The following CSTA variants were observed in gnomAD, a reference collection of about 807,000 sequenced individuals.
CSTA encodes the protein cystatin A, also known as cystatin-A.
CSTA carries 9 observed loss-of-function variants against 9.2 expected under a neutral mutation model. The ratio of observed to expected loss-of-function variants is 0.97; its 90% CI spans 0.59 to 1.70. CSTA has a LOEUF of 1.70. Among genes scored for constraint, CSTA ranks in the 40% most tolerant of loss-of-function variants. CSTA has a pLI of 0.00. For synonymous variants in CSTA, 36 were observed against 40.6 expected (o/e 0.89, Z 0.43); for missense variants, 118 against 113.1 (o/e 1.04, Z -0.20).
At chr3:122,336,911 C>T (rs2075239721) in intron 1 of CSTA, among the ~76,000 whole-genome samples, 1 of 152,198 alleles carries the variant, frequency 6.6e-6, no homozygotes, top group South Asian at 2.1e-4. Flanking sequence ...CAGTATTCTT[C>T]AAAAACATCA....
intron 1 of CSTA, among the ~76,000 whole-genome samples, chr3:122,325,962 A>C (rs1228090496): frequency 1.3e-5 from 2 of 152,186 alleles, no homozygotes; most frequent in Non-Finnish European, 2.9e-5. Flanking sequence ...ATATGGAAAA[A>C]TAGAACTCAA....
intron 1 of CSTA, among the ~76,000 whole-genome samples, chr3:122,328,070 C>T (rs1279312204): frequency 1.3e-5 from 2 of 152,172 alleles, no homozygotes; most frequent in East Asian, 3.8e-4. Context: ...TACCTCACCC[C>T]AGAAAGGGGT....
intron 1 of CSTA, among the ~76,000 whole-genome samples, chr3:122,331,698 G>A (rs2075205722): frequency 6.6e-6 from 1 of 152,094 alleles, no homozygotes; most frequent in Admixed American, 6.5e-5. Flanking sequence ...CAGGACCCAG[G>A]GCTGCCAGAA....
At chr3:122,337,452 A>C (rs780214231) in intron 1 of CSTA, 95 bp from the exon 2 acceptor site, 16 of 775,000 alleles carry the variant, frequency 2.1e-5, no homozygotes, top group Non-Finnish European at 3.1e-5. Flanking sequence ...CCATCTTTGA[A>C]GACTTTTAGG....
chr3:122,337,103 AT>A (rs1243033080), intron 1 of CSTA, among the ~76,000 whole-genome samples: 1 of 152,190 alleles, frequency 6.6e-6, no homozygotes, highest in Non-Finnish European at 1.5e-5. Context: ...TAATTTCCTC[AT>A]TTTGGTGATT....
At chr3:122,335,561 T>C (rs1045552971) in intron 1 of CSTA, among the ~76,000 whole-genome samples, 3 of 152,180 alleles carry the variant, frequency 2.0e-5, no homozygotes, top group African/African-American at 7.2e-5. Flanking sequence ...AAAGGAGTTA[T>C]AATAAGGAAA....
intron 1 of CSTA, among the ~76,000 whole-genome samples, chr3:122,331,022 T>C (rs141830517): frequency 1.3e-5 from 2 of 152,186 alleles, no homozygotes; most frequent in African/African-American, 4.8e-5. Context: ...ATTGTGAGCA[T>C]ATTTATGAGA....
intron 1 of CSTA, among the ~76,000 whole-genome samples, chr3:122,327,423 G>A (rs370013210): frequency 6.5e-4 from 99 of 151,658 alleles, no homozygotes; most frequent in African/African-American, 2.2e-3. Flanking sequence ...CAGCTACTCG[G>A]GAGGCTGAGG....
chr3:122,337,960 C>T lies in CSTA; in HGVS notation c.168+312C>T, dbSNP rs567764798. 318 of 342,264 alleles carry T rather than the reference C, an allele frequency of 9.3e-4. 2 individuals are homozygous for T. The highest frequency in any genetic ancestry group is 3.7e-3 in the South Asian group (139 of 37,882). The allele number at this position is 342,264 out of a possible 1,614,324, so 21.2% of individuals were successfully genotyped here. On this transcript the variant is annotated intron_variant, in intron 2 of 2. Transcript: ENST00000264474. ...CTGCTTAGGTAAGGAGGGAGGATCA[C>T]GTCTCATCTGCCTGAAGGTGTGGGG...
chr3:122,338,509 A>T (rs1323768887), intron 2 of CSTA, among the ~76,000 whole-genome samples: 1 of 152,004 alleles, frequency 6.6e-6, no homozygotes, highest in Non-Finnish European at 1.5e-5. Context: ...CAAAAAAAAA[A>T]AAAAAAGTAA....
intron 2 of CSTA, among the ~76,000 whole-genome samples, chr3:122,338,468 A>G (rs2075247732): frequency 6.7e-6 from 1 of 149,954 alleles, no homozygotes; most frequent in East Asian, 2.0e-4. Context: ...TATTTCTATT[A>G]AAATATAAAC....
At chr3:122,335,286 T>C (rs942900749) in intron 1 of CSTA, among the ~76,000 whole-genome samples, 4 of 152,018 alleles carry the variant, frequency 2.6e-5, no homozygotes, top group Non-Finnish European at 5.9e-5. Flanking sequence ...ACTAGGTTCC[T>C]TTACACAGCA....
chr3:122,332,201 C>T (rs1461222442), intron 1 of CSTA, among the ~76,000 whole-genome samples: 1 of 152,160 alleles, frequency 6.6e-6, no homozygotes, highest in Non-Finnish European at 1.5e-5. Flanking sequence ...GAAAATGCCC[C>T]AGCTGACCCT....
At position 122,325,310 on chromosome 3, in the gene CSTA, A is replaced by C. The variant is rs191500425; in HGVS notation, c.18A>C (p.Leu6Phe). ...CAGCCAAAATGATACCTGGAGGCTT[A>C]TCTGAGGCCAAACCCGCCACTCCAG... MIPGG[L>F]SEAKPATPEI... The change falls in exon 1 of 3, where the codon TTA (leucine) becomes TTC (phenylalanine). Residue 6 changes from leucine to phenylalanine, a missense_variant. Transcript: ENST00000264474. 1 of 1,613,836 alleles carries C rather than the reference A, an allele frequency of 6.2e-7. No homozygotes were observed. The highest frequency in any genetic ancestry group is 2.2e-5 in the East Asian group (1 of 44,882).
intron 1 of CSTA, among the ~76,000 whole-genome samples, chr3:122,333,542 A>AGAAAGAAAGAAAGAAAGAAAGAAG (rs1553772157): frequency 1.6e-3 from 54 of 32,790 alleles, no homozygotes; most frequent in Non-Finnish European, 3.0e-3. Context: ...AAAAGAAAGA[A>AGAAAGAAAGAAAGAAAGAAAGAAG]GAAAGAAAGA....
intron 1 of CSTA, among the ~76,000 whole-genome samples, chr3:122,334,660 C>T (rs542088994): frequency 6.6e-6 from 1 of 152,074 alleles, no homozygotes; most frequent in East Asian, 1.9e-4. Flanking sequence ...TATCCTTTTT[C>T]CTCCAAAAGA....
Position 122,341,788 on chromosome 3 carries a change from C to A in CSTA, c.*221C>A. The A allele has an allele frequency of 1.8e-6, 1 of 546,196 alleles. No individual in the cohort carries two copies. Among genetic ancestry groups the A allele is most frequent in the Non-Finnish European group, 3.2e-6 (1 of 316,574 alleles). 33.8% of individuals were successfully genotyped at this position (546,196 alleles called of 1,614,324 possible). On this transcript the variant is annotated 3_prime_UTR_variant, in exon 3 of 3. Coordinates refer to ENST00000264474, the MANE Select transcript of CSTA (RefSeq NM_005213.4). ...ATATAAATTGATGGCAATTGGAAAT[C>A]TTATAAAAACTAGTCAAGCCTAATG...
At position 122,341,555 on chromosome 3, in the gene CSTA, G is replaced by T; in HGVS notation, c.285G>T (p.Leu95=). The change falls in exon 3 of 3, where the codon CTG becomes CTT. Residue 95 remains leucine (L), a synonymous_variant. Coordinates refer to ENST00000264474, the MANE Select transcript of CSTA (RefSeq NM_005213.4). ...TTGACAAAAACAAGGATGACGAGCT[G>T]ACGGGCTTTTAGCAGCATGTACCCA... is the stretch of plus-strand genomic sequence containing the variant. ...YQVDKNKDDE[L]TGF 6.2e-7 allele frequency: 1 copy of T among 1,614,150 alleles called. No homozygotes were observed. The highest frequency in any genetic ancestry group is 8.5e-7 in the Non-Finnish European group (1 of 1,180,024).
intron 1 of CSTA, among the ~76,000 whole-genome samples, chr3:122,333,587 GAAAGAAGA>G (rs1399471664): frequency 8.4e-6 from 1 of 119,098 alleles, no homozygotes; most frequent in South Asian, 2.4e-4. Context: ...AAGAAAGAAA[GAAAGAAGA>G]AAGAGAGAGA....
Sources: allele counts gnomAD v4.1 joint callset (sites outside exome capture counted in the v4.1 genomes callset), GRCh38; gene constraint gnomAD v4.1.1; transcripts MANE v1.5; gene names NCBI Gene and HGNC (gene_info 2026-07-23, HGNC 2026-07-21).